The following FAM107A variants were observed in gnomAD, a reference collection of about 807,000 sequenced individuals.
The protein encoded by FAM107A is family with sequence similarity 107 member A.
A neutral mutation model predicts 13.7 loss-of-function variants in FAM107A; 19 were observed. That is an observed-to-expected ratio of 1.38 (90% CI 0.97 to 2.03). FAM107A has a LOEUF of 2.03. Among genes scored for constraint, FAM107A ranks in the 30% most tolerant of loss-of-function variants. The pLI is 0.00. For missense variants in FAM107A, 203 were observed against 184.4 expected (o/e 1.10, Z -0.58); for synonymous variants, 82 against 74.5 (o/e 1.10, Z -0.52).
intron 1 of FAM107A, among the ~76,000 whole-genome samples, chr3:58,618,227 A>T (rs2065921753): frequency 6.6e-6 from 1 of 152,148 alleles, no homozygotes; most frequent in East Asian, 1.9e-4. Flanking sequence ...ATGTGGAGGA[A>T]TCTGAACACT....
chr3:58,594,784 G>T (rs759203750), intron 1 of FAM107A, among the ~76,000 whole-genome samples: 2 of 152,136 alleles, frequency 1.3e-5, no homozygotes, highest in Non-Finnish European at 2.9e-5. Flanking sequence ...CAAATGAAGA[G>T]TGTTGTTTTT....
intron 1 of FAM107A, among the ~76,000 whole-genome samples, chr3:58,622,454 C>A (rs916853019): frequency 6.6e-6 from 1 of 152,120 alleles, no homozygotes; most frequent in African/African-American, 2.4e-5. Flanking sequence ...CCTATGCCCC[C>A]CCCAAAAGAA....
At chr3:58,570,984 C>A (rs1340042007) in intron 1 of FAM107A, among the ~76,000 whole-genome samples, 1 of 152,202 alleles carries the variant, frequency 6.6e-6, no homozygotes, top group South Asian at 2.1e-4. Context: ...TTGAGGGCCA[C>A]CATGTTGCCT....
intron 1 of FAM107A, among the ~76,000 whole-genome samples, chr3:58,570,578 T>C (rs2063671278): frequency 1.1e-5 from 1 of 91,588 alleles, no homozygotes; most frequent in Non-Finnish European, 2.2e-5. Context: ...CAAAAGCAAA[T>C]ACAGCAGAGA....
upstream of FAM107A, among the ~76,000 whole-genome samples, chr3:58,579,080 C>T (rs753131372): frequency 3.9e-5 from 6 of 152,080 alleles, no homozygotes; most frequent in Admixed American, 6.5e-5. Context: ...TGAGGAATGC[C>T]GTGATGAACG....
At chr3:58,586,806 A>G in intron 1 of FAM107A, 4 of 1,499,856 alleles carry the variant, frequency 2.7e-6, no homozygotes, top group Non-Finnish European at 3.5e-6. Flanking sequence ...CGTGCACCAC[A>G]GAGCCCTCCT....
In FAM107A at chr3:58,569,036, C is replaced by T. The variant is rs1287655335; in HGVS notation, c.170+655G>A. Among the ~76,000 whole-genome samples, 1 of 152,210 alleles carries T rather than the reference C, an allele frequency of 6.6e-6. No homozygotes were observed. The highest frequency in any genetic ancestry group is 2.4e-5 in the African/African-American group (1 of 41,442). On this transcript the variant is annotated intron_variant, in intron 2 of 3. Transcript: ENST00000360997. The surrounding 1 kb of genome is among the most constrained non-coding windows in gnomAD (Gnocchi z 5.7). ...CCCCCATCCCACCTCACCAGACGGG[C>T]CCACCACACCTTGTGCCCCTGCTGT...
upstream of FAM107A, among the ~76,000 whole-genome samples, chr3:58,578,370 A>C (rs7637806): frequency 0.66 from 100,354 of 151,956 alleles, 34,849 homozygotes; most frequent in East Asian, 1. Context: ...AAGTTTGAGA[A>C]CAGCCTGGCC....
chr3:58,609,576 A>G (rs2065833585), intron 1 of FAM107A, among the ~76,000 whole-genome samples: 1 of 152,246 alleles, frequency 6.6e-6, no homozygotes, highest in Non-Finnish European at 1.5e-5. Context: ...TAGTCAGTCA[A>G]CAAACACTGT....
At chr3:58,592,998 A>G (rs931389260) in intron 1 of FAM107A, among the ~76,000 whole-genome samples, 1 of 152,148 alleles carries the variant, frequency 6.6e-6, no homozygotes, top group Admixed American at 6.5e-5. Flanking sequence ...CTAGCTGGAC[A>G]ATCAGTTCTT....
chr3:58,589,211 C>A, upstream of FAM107A: 1 of 1,532,954 alleles, frequency 6.5e-7, no homozygotes, highest in Non-Finnish European at 8.7e-7. Context: ...CTTACCTGAG[C>A]CATTTCGTCT....
At chr3:58,600,736 G>C (rs369101843) in intron 1 of FAM107A, among the ~76,000 whole-genome samples, 1 of 152,226 alleles carries the variant, frequency 6.6e-6, no homozygotes. Flanking sequence ...AATTAATTAA[G>C]TGGACTGCTT....
At chr3:58,567,899 C>A (rs1240271588) in intron 2 of FAM107A, among the ~76,000 whole-genome samples, 1 of 152,106 alleles carries the variant, frequency 6.6e-6, no homozygotes, top group Non-Finnish European at 1.5e-5. Context: ...GATATGTTTA[C>A]CAGCCATTTG....
chr3:58,582,380 A>G (rs1284306997), upstream of FAM107A, among the ~76,000 whole-genome samples: 1 of 152,226 alleles, frequency 6.6e-6, no homozygotes, highest in East Asian at 1.9e-4. Flanking sequence ...TGATGCCCGC[A>G]GGCACCTGGG....
intron 1 of FAM107A, among the ~76,000 whole-genome samples, chr3:58,624,767 C>T (rs139317909): frequency 1.8e-3 from 264 of 150,364 alleles, no homozygotes; most frequent in African/African-American, 6.3e-3. Flanking sequence ...GAAGCAACAA[C>T]GCTGTGTTTT....
intron 1 of FAM107A, chr3:58,572,861 C>T (rs2063697784): frequency 6.6e-6 from 1 of 152,172 alleles, no homozygotes; most frequent in Non-Finnish European, 1.5e-5. Context: ...CACAGGGTTG[C>T]CCTTGGAAGA....
chr3:58,608,688 C>G (rs2065823096), intron 1 of FAM107A, among the ~76,000 whole-genome samples: 1 of 152,150 alleles, frequency 6.6e-6, no homozygotes, highest in African/African-American at 2.4e-5. Flanking sequence ...CTTCCCCAGA[C>G]CCCCTTGGAG....
At chr3:58,619,559 C>T (rs35369060) in intron 1 of FAM107A, among the ~76,000 whole-genome samples, 13,462 of 152,272 alleles carry the variant, frequency 0.088, 826 homozygotes, top group Non-Finnish European at 0.13. Flanking sequence ...CGCCTCCTGA[C>T]CTGATTAATC....
exon 1 of FAM107A, chr3:58,586,918 C>G: frequency 6.5e-7 from 1 of 1,532,460 alleles, no homozygotes; most frequent in African/African-American, 1.4e-5. Context: ...CGGGCCCACT[C>G]GCCCAGCCTC....
Sources: gnomAD v4.1 joint callset for allele counts (sites outside exome capture counted in the v4.1 genomes callset) on GRCh38, gnomAD v4.1.1 for gene constraint, Gnocchi (gnomAD v3.1) non-coding constraint, MANE v1.5 for transcripts, NCBI Gene and HGNC (gene_info 2026-07-23, HGNC 2026-07-21) for gene names.